The following ANKRD55 variants were observed in gnomAD, a reference collection of about 807,000 sequenced individuals.
ANKRD55 encodes ankyrin repeat domain 55.
A neutral mutation model predicts 60.6 loss-of-function variants in ANKRD55; 41 were observed. The observed-to-expected ratio is 0.68, with a 90% CI of 0.53 to 0.88. The LOEUF (loss-of-function observed/expected upper bound fraction) is 0.88, where lower values mean the gene tolerates loss of function less well. Ranked by LOEUF, ANKRD55 falls within the 40% of genes least tolerant of loss-of-function variation. The pLI, the probability that ANKRD55 is intolerant of heterozygous loss-of-function variation, is 0.00. For missense variants in ANKRD55, 732 were observed against 767.6 expected (o/e 0.95, Z 0.55); for synonymous variants, 264 against 290.3 (o/e 0.91, Z 0.92).
In ANKRD55 at chr5:56,168,554, T is replaced by A. The variant is rs576998483; in HGVS notation, c.422+2140A>T. Among the ~76,000 whole-genome samples the A allele has an allele frequency of 8.5e-5, 13 of 152,354 alleles. No individual in the cohort carries two copies. The South Asian group carries it at 2.7e-3, about 32-fold the overall frequency. ...TATTTTATTATTATTGTTGTTAATCTCTTACTGCGCCTAATTTGTACGCTA... is the reference window on the plus strand; with the variant it reads ...TATTTTATTATTATTGTTGTTAATCACTTACTGCGCCTAATTTGTACGCTA... On this transcript the variant is annotated intron_variant, in intron 5 of 11. Transcript: ENST00000341048.
intron 7 of ANKRD55, among the ~76,000 whole-genome samples, chr5:56,135,910 G>A (rs372380781): frequency 6.6e-6 from 1 of 151,988 alleles, no homozygotes; most frequent in East Asian, 1.9e-4. Flanking sequence ...CTATATACTA[G>A]CAATGAGCAA....
At chr5:56,110,053 A>G (rs1322608950) in intron 10 of ANKRD55, among the ~76,000 whole-genome samples, 1 of 150,026 alleles carries the variant, frequency 6.7e-6, no homozygotes, top group African/African-American at 2.5e-5. Flanking sequence ...TCCGTCTCAA[A>G]AAAAAAAAAA....
At chr5:56,148,821 C>G (rs764882900) in intron 6 of ANKRD55, among the ~76,000 whole-genome samples, 18 of 151,006 alleles carry the variant, frequency 1.2e-4, no homozygotes, top group Non-Finnish European at 2.4e-4. Context: ...TGTTCCCCGT[C>G]TTGGTTGGCG....
At chr5:56,108,408 G>A (rs773673655) in intron 10 of ANKRD55, 15 of 152,188 alleles carry the variant, frequency 9.9e-5, no homozygotes, top group Admixed American at 3.3e-4. Flanking sequence ...GTGTCAAAAG[G>A]TGGCAGACCA....
At chr5:56,123,887 T>C (rs1371680744) in intron 8 of ANKRD55, among the ~76,000 whole-genome samples, 1 of 152,172 alleles carries the variant, frequency 6.6e-6, no homozygotes, top group East Asian at 1.9e-4. Context: ...CTTCAGGATG[T>C]CCTGCAAACA....
chr5:56,225,128 A>C (rs1760075295), intron 2 of ANKRD55, among the ~76,000 whole-genome samples: 1 of 152,220 alleles, frequency 6.6e-6, no homozygotes, highest in East Asian at 1.9e-4. Flanking sequence ...CAAAAAGCTT[A>C]TCCACCATGA....
At chr5:56,184,242 C>T (rs749480363) in intron 2 of ANKRD55, among the ~76,000 whole-genome samples, 38 of 152,282 alleles carry the variant, frequency 2.5e-4, no homozygotes, top group Middle Eastern at 3.4e-3. Context: ...GTGCCGTGTT[C>T]GGCAGGAGCC....
Position 56,111,766 on chromosome 5 carries a change from G to A in ANKRD55, c.982C>T (p.Pro328Ser), listed in dbSNP as rs1756713820. Residue 328 changes from proline (P) to serine (S), a missense_variant, in exon 10 of 12, where the codon CCC becomes TCC. Pro to Ser is a moderately conservative substitution (Grantham distance 74, BLOSUM62 -1). Transcript: ENST00000341048. ...SQESRTEPTR[P>S]PPSQSSRPQK... ...GGCCGACTGCTCTGGGAGGGAGGGGGTCGAGTAGGCTCTGTTCTATGCGAA... is the reference window on the plus strand; with the variant it reads ...GGCCGACTGCTCTGGGAGGGAGGGGATCGAGTAGGCTCTGTTCTATGCGAA... The A allele has an allele frequency of 2.6e-6, 4 of 1,512,470 alleles. No individual in the cohort carries two copies. Among genetic ancestry groups the A allele is most frequent in the Non-Finnish European group, 3.5e-6 (4 of 1,135,142 alleles). 93.7% of individuals were successfully genotyped at this position (1,512,470 alleles called of 1,614,324 possible).
chr5:56,151,488 C>A (rs183489870), intron 6 of ANKRD55, among the ~76,000 whole-genome samples: 2 of 152,110 alleles, frequency 1.3e-5, no homozygotes, highest in Non-Finnish European at 2.9e-5. Context: ...TTAATTCTTT[C>A]TTTCTCCCTA....
At chr5:56,229,398 C>G (rs1760194465) in intron 2 of ANKRD55, among the ~76,000 whole-genome samples, 1 of 152,142 alleles carries the variant, frequency 6.6e-6, no homozygotes, top group Admixed American at 6.5e-5. Flanking sequence ...CCCAGGCTTC[C>G]TCCCTCACAG....
intron 6 of ANKRD55, among the ~76,000 whole-genome samples, chr5:56,155,712 G>A (rs1758174841): frequency 6.6e-6 from 1 of 151,948 alleles, no homozygotes; most frequent in African/African-American, 2.4e-5. Context: ...CTGGCATGGT[G>A]GTGTCTGCCT....
chr5:56,210,301 G>T (rs552263170), intron 2 of ANKRD55, among the ~76,000 whole-genome samples: 2 of 152,068 alleles, frequency 1.3e-5, no homozygotes, highest in African/African-American at 4.8e-5. Flanking sequence ...TAGGCCGGGC[G>T]CGGTGGCTCA....
rs535976458 is a variant in ANKRD55 at position 56,131,709 on chromosome 5, T to A, written c.613-4603A>T. Among the ~76,000 whole-genome samples the A allele has an allele frequency of 1.1e-4, 16 of 141,560 alleles. No homozygotes were observed. In the South Asian group the frequency reaches 3.5e-3, roughly 31 times the overall value. The allele number at this position is 141,560 out of a possible 152,430, so 92.9% of individuals were successfully genotyped here. Reference sequence around the variant, plus strand: ...TACTCGGAAGGCTGAGACAGGAGAATCGCTTGAACCCGGGAGGCAGAGGTT... The same window carrying A: ...TACTCGGAAGGCTGAGACAGGAGAAACGCTTGAACCCGGGAGGCAGAGGTT... On this transcript the variant is annotated intron_variant, in intron 7 of 11. Coordinates refer to ENST00000341048, the MANE Select transcript of ANKRD55 (RefSeq NM_024669.3).
chr5:56,111,023 C>A, intron 10 of ANKRD55, 95 bp downstream of exon 10: 1 of 1,415,556 alleles, frequency 7.1e-7, no homozygotes. Context: ...ACCCTGCCTT[C>A]TAGGCTATTG....
chr5:56,226,298 G>C (rs888761781), intron 2 of ANKRD55, among the ~76,000 whole-genome samples: 2 of 152,150 alleles, frequency 1.3e-5, no homozygotes, highest in African/African-American at 4.8e-5. Context: ...GCTGACACTG[G>C]ATCCCTTCCT....
intron 7 of ANKRD55, among the ~76,000 whole-genome samples, chr5:56,128,824 T>C (rs940736337): frequency 6.6e-6 from 1 of 152,184 alleles, no homozygotes; most frequent in African/African-American, 2.4e-5. Flanking sequence ...AGATCCAGGA[T>C]TGACTGTGGA....
rs1756213488 is a variant in ANKRD55 at position 56,099,796 on chromosome 5, C to CTTTTTTTT, written c.*386_*387insAAAAAAAA. The CTTTTTTTT allele has an allele frequency of 6.6e-6, 1 of 151,210 alleles. No individual in the cohort carries two copies. Among genetic ancestry groups the CTTTTTTTT allele is most frequent in the Non-Finnish European group, 1.4e-5 (1 of 69,166 alleles). 9.4% of individuals were successfully genotyped at this position (151,210 alleles called of 1,614,324 possible). On this transcript the variant is annotated 3_prime_UTR_variant, in exon 12 of 12. Transcript: ENST00000341048. Reference sequence around the variant, plus strand: ...GGTTTTTTTTTTGTTTTGTTTTTTGCTTTTATTCAGCAAAGCGTACTTTTT... The same window carrying CTTTTTTTT: ...GGTTTTTTTTTTGTTTTGTTTTTTGCTTTTTTTTTTTTATTCAGCAAAGCGTACTTTTT...
At chr5:56,200,020 T>A (rs1759329227) in intron 2 of ANKRD55, among the ~76,000 whole-genome samples, 1 of 152,082 alleles carries the variant, frequency 6.6e-6, no homozygotes, top group Non-Finnish European at 1.5e-5. Flanking sequence ...TGTGTAAAAG[T>A]CCGTAAAAGC....
At chr5:56,195,800 T>G (rs1390266960) in intron 2 of ANKRD55, among the ~76,000 whole-genome samples, 2 of 152,210 alleles carry the variant, frequency 1.3e-5, no homozygotes, top group Non-Finnish European at 1.5e-5. Context: ...ACTCTTTGAA[T>G]GGTTTATTTG....
Sources: gnomAD v4.1 joint callset for allele counts (sites outside exome capture counted in the v4.1 genomes callset) on GRCh38, gnomAD v4.1.1 for gene constraint, MANE v1.5 for transcripts, NCBI Gene and HGNC (gene_info 2026-07-23, HGNC 2026-07-21) for gene names.